COL27A1: variants seen among roughly 807,000 people sequenced by gnomAD.
The protein encoded by COL27A1 is collagen type XXVII alpha 1 chain, also known as collagen alpha-1(XXVII) chain.
In COL27A1, 106 loss-of-function variants were observed where a neutral mutation model predicts 251.3. The observed-to-expected ratio is 0.42, with a 90% CI of 0.36 to 0.50. The LOEUF is 0.50. Among genes scored for constraint, COL27A1 ranks in the 20% least tolerant of loss-of-function variants. The pLI is 0.00. For missense variants in COL27A1, 2,325 were observed against 2,522.8 expected (o/e 0.92, Z 1.68); for synonymous variants, 1,000 against 986.3 (o/e 1.01, Z -0.26).
chr9:114,169,845 C>A (rs1404368630), intron 3 of COL27A1, among the ~76,000 whole-genome samples: 1 of 152,244 alleles, frequency 6.6e-6, no homozygotes, highest in South Asian at 2.1e-4. Context: ...CTTCCAAAGC[C>A]CCGTTCTCCC....
At chr9:114,215,009 T>C (rs1000900953) in intron 12 of COL27A1, among the ~76,000 whole-genome samples, 1 of 152,238 alleles carries the variant, frequency 6.6e-6, no homozygotes, top group Admixed American at 6.5e-5. Context: ...CTTTCAAGCC[T>C]GCTGGGATGG....
In COL27A1 at chr9:114,240,762, A is replaced by C. The variant is rs556648681; in HGVS notation, c.2835+275A>C. Among the ~76,000 whole-genome samples the C allele has an allele frequency of 4.2e-3, 643 of 152,278 alleles. 2 individuals are homozygous for C. The highest frequency in any genetic ancestry group is 7.7e-3 in the Non-Finnish European group (525 of 68,018). On this transcript the variant is annotated intron_variant, in intron 21 of 60. Transcript: ENST00000356083. ...GTCACCCTGGGGTTTTCTTTCCCAG[A>C]GCTACTGACAATGCCGTGCTCGTGG...
At chr9:114,165,599 A>G (rs1280905879) in intron 2 of COL27A1, among the ~76,000 whole-genome samples, 1 of 148,386 alleles carries the variant, frequency 6.7e-6, no homozygotes, top group African/African-American at 2.5e-5. Flanking sequence ...CCATCCACCC[A>G]TCCATACATT....
intron 37 of COL27A1, among the ~76,000 whole-genome samples, chr9:114,279,498 A>C (rs13299922): frequency 0.43 from 64,940 of 151,888 alleles, 14,309 homozygotes; most frequent in South Asian, 0.68. Context: ...CACTCCTTTT[A>C]AATTTTCTAG....
chr9:114,189,920 A>G (rs1828630580), intron 5 of COL27A1, among the ~76,000 whole-genome samples: 1 of 152,176 alleles, frequency 6.6e-6, no homozygotes, highest in Non-Finnish European at 1.5e-5. Context: ...GATTTTATAG[A>G]TAGGCATTCA....
chr9:114,216,564 T>A lies in COL27A1; in HGVS notation c.2368-3227T>A, dbSNP rs185350220. Reference sequence around the variant, plus strand: ...GTAGTGGGTGAGGGGGTCTTGGGTGTGTTCTGGGCTGCAGTCTCCCCATTG... The same window carrying A: ...GTAGTGGGTGAGGGGGTCTTGGGTGAGTTCTGGGCTGCAGTCTCCCCATTG... On this transcript the variant is annotated intron_variant, in intron 12 of 60. Coordinates refer to ENST00000356083, the MANE Select transcript of COL27A1 (RefSeq NM_032888.4). Among the ~76,000 whole-genome samples, 80 of 152,284 alleles carry A rather than the reference T, an allele frequency of 5.3e-4. 1 individual carries two copies. Among genetic ancestry groups the A allele is most frequent in the African/African-American group, 1.9e-3 (79 of 41,538 alleles).
intron 7 of COL27A1, among the ~76,000 whole-genome samples, chr9:114,201,088 T>C (rs1829542096): frequency 6.6e-6 from 1 of 152,188 alleles, no homozygotes; most frequent in Admixed American, 6.5e-5. Flanking sequence ...CCTTGCGCAT[T>C]GTAAGCAATG....
chr9:114,195,661 G>A (rs1007326791), intron 6 of COL27A1, among the ~76,000 whole-genome samples: 4 of 152,208 alleles, frequency 2.6e-5, no homozygotes, highest in African/African-American at 9.6e-5. Context: ...GTCCTCTGGA[G>A]CATAGTTTTC....
chr9:114,292,417 GAA>G (rs1341818583), intron 49 of COL27A1, among the ~76,000 whole-genome samples: 1 of 152,150 alleles, frequency 6.6e-6, no homozygotes, highest in Non-Finnish European at 1.5e-5. Context: ...GGAGGCTGAG[GAA>G]AGAGACCTGA....
chr9:114,209,419 G>A (rs771267577), intron 10 of COL27A1: 18 of 747,922 alleles, frequency 2.4e-5, no homozygotes, highest in East Asian at 7.7e-5. Context: ...TCCTGCCGGC[G>A]AGCGCCTGCG....
At chr9:114,193,915 A>G (rs1828921175) in intron 5 of COL27A1, among the ~76,000 whole-genome samples, 1 of 152,114 alleles carries the variant, frequency 6.6e-6, no homozygotes, top group Non-Finnish European at 1.5e-5. Context: ...GAGCTCTACA[A>G]GTAGGATGTG....
intron 3 of COL27A1, among the ~76,000 whole-genome samples, chr9:114,172,098 C>A (rs1202701533): frequency 6.6e-6 from 1 of 152,200 alleles, no homozygotes; most frequent in Non-Finnish European, 1.5e-5. Flanking sequence ...CATGCTATCC[C>A]CTGTCCCCAC....
At chr9:114,186,536 T>A (rs540379218) in intron 5 of COL27A1, among the ~76,000 whole-genome samples, 8 of 152,018 alleles carry the variant, frequency 5.3e-5, no homozygotes, top group African/African-American at 1.9e-4. Flanking sequence ...GACCCCACGA[T>A]ATGGGGATTG....
intron 28 of COL27A1, among the ~76,000 whole-genome samples, chr9:114,260,408 G>A (rs1834237987): frequency 6.6e-6 from 1 of 152,116 alleles, no homozygotes; most frequent in African/African-American, 2.4e-5. Context: ...GTGACTGAAG[G>A]TGGGGAACCT....
intron 14 of COL27A1, among the ~76,000 whole-genome samples, chr9:114,226,391 G>T (rs1368715502): frequency 6.6e-6 from 1 of 152,158 alleles, no homozygotes; most frequent in Non-Finnish European, 1.5e-5. Flanking sequence ...GTAGGAAGTG[G>T]GGCCACCAAT....
chr9:114,288,569 G>A (rs1405467146), intron 42 of COL27A1, 58 bp downstream of exon 42: 46 of 1,555,136 alleles, frequency 3.0e-5, no homozygotes, highest in Non-Finnish European at 3.6e-5. Context: ...TGAGCCTCCC[G>A]CTGCATGGAG....
intron 49 of COL27A1, among the ~76,000 whole-genome samples, chr9:114,296,463 A>G (rs1051260610): frequency 2.0e-5 from 3 of 152,260 alleles, no homozygotes; most frequent in Non-Finnish European, 2.9e-5. Flanking sequence ...GATTAATATC[A>G]TTAGTCATTA....
chr9:114,284,321 G>A (rs567410640), intron 40 of COL27A1, among the ~76,000 whole-genome samples: 54 of 152,340 alleles, frequency 3.5e-4, no homozygotes, highest in African/African-American at 6.5e-4. Context: ...GAAAAGAGGC[G>A]AGACAAGACC....
At chr9:114,195,551 A>G (rs529246790) in intron 6 of COL27A1, among the ~76,000 whole-genome samples, 1 of 152,344 alleles carries the variant, frequency 6.6e-6, no homozygotes, top group African/African-American at 2.4e-5. Context: ...GGGTGGTGGC[A>G]GAAATGCCCC....
Sources: gnomAD v4.1 joint callset for allele counts (sites outside exome capture counted in the v4.1 genomes callset) on GRCh38, gnomAD v4.1.1 for gene constraint, MANE v1.5 for transcripts, NCBI Gene and HGNC (gene_info 2026-07-23, HGNC 2026-07-21) for gene names.